Variants in PCDHGA12 observed in about 807,000 individuals in gnomAD.
PCDHGA12 encodes protocadherin gamma subfamily A, 12.
Under a neutral mutation model 61.1 loss-of-function variants are expected in PCDHGA12, and 43 were observed. The ratio of observed to expected loss-of-function variants is 0.70; its 90% CI spans 0.55 to 0.91. The LOEUF is 0.91. Among genes scored for constraint, PCDHGA12 ranks in the 40% least tolerant of loss-of-function variants. PCDHGA12 has a pLI of 0.00. For missense variants in PCDHGA12, 1,236 were observed against 1,227.7 expected (o/e 1.01, Z -0.10); for synonymous variants, 520 against 542.9 (o/e 0.96, Z 0.59).
chr5:141,436,743 C>A (rs991678215), intron 1 of PCDHGA12, among the ~76,000 whole-genome samples: 3 of 152,158 alleles, frequency 2.0e-5, no homozygotes, highest in Non-Finnish European at 4.4e-5. Flanking sequence ...TTTTTGTGTG[C>A]TTCTCCATAT....
Position 141,490,526 on chromosome 5 carries a change from C to T in PCDHGA12, c.2425-4281C>T, listed in dbSNP as rs1270447529. 6.2e-7 allele frequency: 1 copy of T among 1,614,116 alleles called. No homozygotes were observed. Among genetic ancestry groups the T allele is most frequent in the Non-Finnish European group, 8.5e-7 (1 of 1,180,008 alleles). ...ATCATCGAGCTGCTGGCCAGCGATGCTGGTTCACCTTCCCTACACAAACAT... is the reference window on the plus strand; with the variant it reads ...ATCATCGAGCTGCTGGCCAGCGATGTTGGTTCACCTTCCCTACACAAACAT... On this transcript the variant is annotated intron_variant, in intron 1 of 3. Coordinates refer to ENST00000252085, the MANE Select transcript of PCDHGA12 (RefSeq NM_003735.3). The surrounding 1 kb of genome is among the most constrained non-coding windows in gnomAD (Gnocchi z 5.4).
At position 141,491,724 on chromosome 5, in the gene PCDHGA12, G is replaced by A; in HGVS notation, c.2425-3083G>A. ...AGGTGAGGGGCTCGGCGCCGCCCCGGGCGACCCCTGGGGGCGGCACTGGAG... is the reference window on the plus strand; with the variant it reads ...AGGTGAGGGGCTCGGCGCCGCCCCGAGCGACCCCTGGGGGCGGCACTGGAG... On this transcript the variant is annotated intron_variant, in intron 1 of 3. Coordinates refer to ENST00000252085, the MANE Select transcript of PCDHGA12 (RefSeq NM_003735.3). This position sits in a 1 kb window ranked among gnomAD's most constrained non-coding sequence, Gnocchi z 6.9. 1 of 1,606,454 alleles carries A rather than the reference G, an allele frequency of 6.2e-7. No individual in the cohort carries two copies. The highest frequency in any genetic ancestry group is 1.1e-5 in the South Asian group (1 of 90,304).
At chr5:141,505,361 A>G (rs2099845711) in intron 2 of PCDHGA12, 32 bp from the exon 3 acceptor site, 1 of 1,613,910 alleles carries the variant, frequency 6.2e-7, no homozygotes, top group South Asian at 1.1e-5. Context: ...CCGGCCTGGG[A>G]GTCTGTGCTC....
In PCDHGA12 at chr5:141,511,284, G is replaced by A; in HGVS notation, c.*111G>A. Reference sequence around the variant, plus strand: ...AGGGCTAACCCCCAGAATACTGGTAGGGGCCAAGGCCATGCTCCCCTTGGG... The same window carrying A: ...AGGGCTAACCCCCAGAATACTGGTAAGGGCCAAGGCCATGCTCCCCTTGGG... On this transcript the variant is annotated 3_prime_UTR_variant, in exon 4 of 4. Coordinates refer to ENST00000252085, the MANE Select transcript of PCDHGA12 (RefSeq NM_003735.3). 6.5e-7 allele frequency: 1 copy of A among 1,528,376 alleles called. No individual in the cohort carries two copies. The highest frequency in any genetic ancestry group is 1.4e-5 in the African/African-American group (1 of 72,796). The allele number at this position is 1,528,376 out of a possible 1,614,324, so 94.7% of individuals were successfully genotyped here.
rs775132338 is a variant in PCDHGA12 at position 141,490,858 on chromosome 5, G to A, written c.2425-3949G>A. On this transcript the variant is annotated intron_variant, in intron 1 of 3. Coordinates refer to ENST00000252085, the MANE Select transcript of PCDHGA12 (RefSeq NM_003735.3). This position sits in a 1 kb window ranked among gnomAD's most constrained non-coding sequence, Gnocchi z 5.4. Reference sequence around the variant, plus strand: ...GATTGTGGTGGGGGTTCGAGACTCCGGCTCTCCCCCATTGCATGCCAACAC... The same window carrying A: ...GATTGTGGTGGGGGTTCGAGACTCCAGCTCTCCCCCATTGCATGCCAACAC... 14 of 1,613,704 alleles carry A rather than the reference G, an allele frequency of 8.7e-6. No homozygotes were observed. Among genetic ancestry groups the A allele is most frequent in the South Asian group, 2.2e-5 (2 of 91,068 alleles).
Position 141,432,029 on chromosome 5 carries a change from G to A in PCDHGA12, c.1270G>A (p.Ala424Thr). 6.2e-7 allele frequency: 1 copy of A among 1,614,178 alleles called. No individual in the cohort carries two copies. Among genetic ancestry groups the A allele is most frequent in the South Asian group, 1.1e-5 (1 of 91,086 alleles). ...TCCTAGCTACAACATCACAGTGACC[G>A]CCACTGACCGGGGAACCCCGCCCCT... ...QVPSYNITVT[A>T]TDRGTPPLST... is the part of the protein sequence containing the mutation. The change falls in exon 1 of 4, where the codon GCC becomes ACC. Residue 424 changes from alanine to threonine, a missense_variant. Coordinates refer to ENST00000252085, the MANE Select transcript of PCDHGA12 (RefSeq NM_003735.3). This position sits in a 1 kb window ranked among gnomAD's most constrained non-coding sequence, Gnocchi z 6.0.
At chr5:141,500,618 C>A (rs554274946) in intron 2 of PCDHGA12, among the ~76,000 whole-genome samples, 27 of 152,260 alleles carry the variant, frequency 1.8e-4, no homozygotes, top group African/African-American at 6.5e-4. Context: ...CCCAGTCATA[C>A]GGTACATTTC....
chr5:141,438,627 TATATATATACACACAC>T (rs1396288881), intron 1 of PCDHGA12, among the ~76,000 whole-genome samples: 69 of 48,002 alleles, frequency 1.4e-3, no homozygotes, highest in Admixed American at 2.8e-3. Flanking sequence ...TATATATATA[TATATATATACACACAC>T]ACACACACAT....
intron 1 of PCDHGA12, among the ~76,000 whole-genome samples, chr5:141,458,247 C>T (rs758242859): frequency 4.6e-5 from 7 of 152,100 alleles, no homozygotes; most frequent in South Asian, 2.1e-4. Flanking sequence ...CAAAATGATA[C>T]GGCTCTGATG....
At chr5:141,503,332 C>T (rs536647792) in intron 2 of PCDHGA12, among the ~76,000 whole-genome samples, 5 of 152,074 alleles carry the variant, frequency 3.3e-5, no homozygotes, top group Admixed American at 6.5e-5. Context: ...CGCGGTGGCT[C>T]ACGCCTGTAA....
chr5:141,485,689 G>A lies in PCDHGA12; in HGVS notation c.2425-9118G>A. On this transcript the variant is annotated intron_variant, in intron 1 of 3. Transcript: ENST00000252085. This position sits in a 1 kb window ranked among gnomAD's most constrained non-coding sequence, Gnocchi z 5.7. ...GCAATTCGATTAGCAGCTATAGGCT[G>A]AGCTCCAATGAACACTTTGCACTGG... The A allele has an allele frequency of 6.2e-7, 1 of 1,614,086 alleles. No individual in the cohort carries two copies. The highest frequency in any genetic ancestry group is 8.5e-7 in the Non-Finnish European group (1 of 1,179,970).
rs888836155 is a variant in PCDHGA12, at chr5:141,512,011, A to C, written c.*838A>C. The C allele has an allele frequency of 1.3e-5, 2 of 152,946 alleles. No homozygotes were observed. The highest frequency in any genetic ancestry group is 6.5e-5 in the Admixed American group (1 of 15,300). The allele number at this position is 152,946 out of a possible 1,614,324, so 9.5% of individuals were successfully genotyped here. ...GGCATGGACAAAGCTTGACACATCA[A>C]GTTATCAAGGCCTTGGAGGAGGCTC... On this transcript the variant is annotated 3_prime_UTR_variant, in exon 4 of 4. Coordinates refer to ENST00000252085, the MANE Select transcript of PCDHGA12 (RefSeq NM_003735.3).
At position 141,493,356 on chromosome 5, in the gene PCDHGA12, C is replaced by A. The variant is rs1303319550; in HGVS notation, c.2425-1451C>A. Among the ~76,000 whole-genome samples, 1 of 152,182 alleles carries A rather than the reference C, an allele frequency of 6.6e-6. No individual in the cohort carries two copies. The highest frequency in any genetic ancestry group is 2.4e-5 in the African/African-American group (1 of 41,438). On this transcript the variant is annotated intron_variant, in intron 1 of 3. Transcript: ENST00000252085. This position sits in a 1 kb window ranked among gnomAD's most constrained non-coding sequence, Gnocchi z 4.3. ...ACTCCAGAATGTGTGCTTTTAATTT[C>A]TTGGCACTTGGAACTTTAAAAGCTT...
chr5:141,457,118 A>G (rs1427146922), intron 1 of PCDHGA12, among the ~76,000 whole-genome samples: 3 of 152,228 alleles, frequency 2.0e-5, no homozygotes, highest in Non-Finnish European at 4.4e-5. Context: ...TACGACAGCA[A>G]TGGAAACTCT....
In PCDHGA12 at chr5:141,431,937, A is replaced by T; in HGVS notation, c.1178A>T (p.Lys393Ile). Residue 393 changes from lysine to isoleucine, a missense_variant, in exon 1 of 4, where the codon AAA becomes ATA. Lys to Ile is a moderately radical substitution (Grantham distance 102). Coordinates refer to ENST00000252085, the MANE Select transcript of PCDHGA12 (RefSeq NM_003735.3). The surrounding 1 kb of genome is among the most constrained non-coding windows in gnomAD (Gnocchi z 4.8). ...ICFIQGNLPF[K>I]LEKSYGNYYS... is the part of the protein sequence containing the mutation. ...TTCATCCAAGGAAATCTGCCCTTTAAATTAGAAAAATCTTACGGAAATTAC... is the reference window on the plus strand; with the variant it reads ...TTCATCCAAGGAAATCTGCCCTTTATATTAGAAAAATCTTACGGAAATTAC... The T allele has an allele frequency of 6.2e-7, 1 of 1,614,144 alleles. No individual in the cohort carries two copies. The highest frequency in any genetic ancestry group is 8.5e-7 in the Non-Finnish European group (1 of 1,180,014).
Position 141,511,267 on chromosome 5 carries a change from C to T in PCDHGA12, c.*94C>T, listed in dbSNP as rs1223074819. 1.3e-6 allele frequency: 2 copies of T among 1,549,404 alleles called. No homozygotes were observed. Among genetic ancestry groups the T allele is most frequent in the Non-Finnish European group, 1.7e-6 (2 of 1,146,836 alleles). On this transcript the variant is annotated 3_prime_UTR_variant, in exon 4 of 4. Transcript: ENST00000252085. ...CCAGGCCTCAGAGTTTCAGGGCTAA[C>T]CCCCAGAATACTGGTAGGGGCCAAG...
At position 141,486,002 on chromosome 5, in the gene PCDHGA12, G is replaced by A. The variant is rs372373315; in HGVS notation, c.2425-8805G>A. ...CCCGGACCTGGGTCCCAGTGGTAAC[G>A]TCACCTTTTATTTCAGTGGTCATAC... On this transcript the variant is annotated intron_variant, in intron 1 of 3. Coordinates refer to ENST00000252085, the MANE Select transcript of PCDHGA12 (RefSeq NM_003735.3). The surrounding 1 kb of genome is among the most constrained non-coding windows in gnomAD (Gnocchi z 5.0). 2.0e-5 allele frequency: 33 copies of A among 1,614,030 alleles called. No homozygotes were observed. The highest frequency in any genetic ancestry group is 2.8e-5 in the Non-Finnish European group (33 of 1,180,014).
At chr5:141,478,794 G>A in intron 1 of PCDHGA12, 1 of 1,468,126 alleles carries the variant, frequency 6.8e-7, no homozygotes, top group Non-Finnish European at 9.0e-7. Flanking sequence ...CACATCCTCA[G>A]CACTCTTTTG....
intron 1 of PCDHGA12, among the ~76,000 whole-genome samples, chr5:141,454,458 G>A (rs535843071): frequency 5.3e-5 from 8 of 152,322 alleles, no homozygotes; most frequent in Non-Finnish European, 1.5e-5. Flanking sequence ...CCAGGCTGGA[G>A]TGCAATGGCA....
Sources: gnomAD v4.1 joint callset for allele counts (sites outside exome capture counted in the v4.1 genomes callset) on GRCh38, gnomAD v4.1.1 for gene constraint, Gnocchi (gnomAD v3.1) non-coding constraint, MANE v1.5 for transcripts, NCBI Gene and HGNC (gene_info 2026-07-23, HGNC 2026-07-21) for gene names.